REDIC1: variants seen among roughly 807,000 people sequenced by gnomAD.
REDIC1 encodes HEI10 Interacting Protein 1.
chr12:39,642,122 G>C, the REDIC1 span, among the ~76,000 whole-genome samples: 1 of 151,562 alleles, frequency 6.6e-6, no homozygotes, highest in Non-Finnish European at 1.5e-5. Flanking sequence ...TTTTCAAATT[G>C]TTTTCTAGTT....
the REDIC1 span, among the ~76,000 whole-genome samples, chr12:39,698,519 T>A: frequency 6.6e-6 from 1 of 152,292 alleles, no homozygotes; most frequent in East Asian, 1.9e-4. Context: ...TACAGAACAT[T>A]TCATCCAGTA....
chr12:39,737,761 A>C, the REDIC1 span, among the ~76,000 whole-genome samples: 21 of 152,278 alleles, frequency 1.4e-4, no homozygotes, highest in African/African-American at 5.1e-4. Flanking sequence ...GTTAACCATA[A>C]ATTTCTAGTG....
the REDIC1 span, chr12:39,764,807 A>G: frequency 2.5e-6 from 4 of 1,612,714 alleles, no homozygotes; most frequent in Non-Finnish European, 3.4e-6. Context: ...TAGGGCAGAA[A>G]TTGTAAGCCC....
At chr12:39,892,642 A>G in the REDIC1 span, among the ~76,000 whole-genome samples, 1 of 152,192 alleles carries the variant, frequency 6.6e-6, no homozygotes, top group Non-Finnish European at 1.5e-5. Context: ...CTGCCACACA[A>G]CTACAGAAAA....
chr12:39,761,228 C>A, the REDIC1 span, among the ~76,000 whole-genome samples: 1 of 147,360 alleles, frequency 6.8e-6, no homozygotes, highest in Non-Finnish European at 1.5e-5. Flanking sequence ...CTTCTCTGGG[C>A]CTCTGTTGCC....
At chr12:39,704,645 T>G in the REDIC1 span, among the ~76,000 whole-genome samples, 2 of 152,204 alleles carry the variant, frequency 1.3e-5, no homozygotes, top group Non-Finnish European at 2.9e-5. Context: ...CGGCATTATT[T>G]ACAATAGCAA....
chr12:39,703,947 A>G, the REDIC1 span, among the ~76,000 whole-genome samples: 1 of 152,170 alleles, frequency 6.6e-6, no homozygotes, highest in Admixed American at 6.6e-5. Context: ...AAAGACTTAA[A>G]CGTTAGACCT....
the REDIC1 span, among the ~76,000 whole-genome samples, chr12:39,645,872 G>T: frequency 6.6e-6 from 1 of 152,066 alleles, no homozygotes; most frequent in African/African-American, 2.4e-5. Flanking sequence ...TAGTAACTGG[G>T]ATTACAGGCA....
the REDIC1 span, among the ~76,000 whole-genome samples, chr12:39,785,624 A>C: frequency 2.6e-5 from 4 of 152,106 alleles, no homozygotes; most frequent in Non-Finnish European, 5.9e-5. Flanking sequence ...AGAATGGTAG[A>C]TCCACCGACA....
the REDIC1 span, among the ~76,000 whole-genome samples, chr12:39,828,404 T>C: frequency 6.6e-6 from 1 of 152,052 alleles, no homozygotes; most frequent in Non-Finnish European, 1.5e-5. Context: ...GATGATGGTA[T>C]AAAAATACAA....
chr12:39,707,233 A>C, the REDIC1 span, among the ~76,000 whole-genome samples: 2 of 151,962 alleles, frequency 1.3e-5, no homozygotes, highest in African/African-American at 4.8e-5. Context: ...AGAGACATAC[A>C]CATGGCAAAG....
At chr12:39,645,989 G>T in the REDIC1 span, among the ~76,000 whole-genome samples, 5 of 151,972 alleles carry the variant, frequency 3.3e-5, no homozygotes, top group African/African-American at 1.2e-4. Context: ...TAGAGTAGGT[G>T]AAAGTACTGA....
chr12:39,713,698 T>G, the REDIC1 span, among the ~76,000 whole-genome samples: 2 of 145,298 alleles, frequency 1.4e-5, no homozygotes, highest in African/African-American at 2.7e-5. Flanking sequence ...TACATGCGTA[T>G]ATACATATTT....
chr12:39,691,539 G>T, the REDIC1 span, among the ~76,000 whole-genome samples: 1 of 151,954 alleles, frequency 6.6e-6, no homozygotes, highest in Non-Finnish European at 1.5e-5. Flanking sequence ...TGGAAATAAA[G>T]AAACACTCAG....
the REDIC1 span, among the ~76,000 whole-genome samples, chr12:39,706,303 T>C: frequency 6.6e-6 from 1 of 151,928 alleles, no homozygotes; most frequent in Non-Finnish European, 1.5e-5. Flanking sequence ...TGAAAGACTT[T>C]GAAGAGGACA....
At chr12:39,852,862 G>C in the REDIC1 span, among the ~76,000 whole-genome samples, 73,475 of 151,906 alleles carry the variant, frequency 0.48, 18,331 homozygotes, top group East Asian at 0.74. Context: ...GTAGCCTTCC[G>C]AGACGAATTA....
At chr12:39,869,606 T>C in the REDIC1 span, among the ~76,000 whole-genome samples, 1 of 152,138 alleles carries the variant, frequency 6.6e-6, no homozygotes, top group African/African-American at 2.4e-5. Flanking sequence ...TGCCTATAGG[T>C]TGCTCATGAG....
the REDIC1 span, among the ~76,000 whole-genome samples, chr12:39,859,789 G>A: frequency 6.6e-6 from 1 of 152,162 alleles, no homozygotes; most frequent in Non-Finnish European, 1.5e-5. Flanking sequence ...GCCTCCCAAA[G>A]TGCTGGGATT....
At chr12:39,870,620 C>T in the REDIC1 span, among the ~76,000 whole-genome samples, 2 of 152,158 alleles carry the variant, frequency 1.3e-5, no homozygotes, top group East Asian at 3.8e-4. Context: ...CTTTACTTGT[C>T]CCTCACTTTT....
Sources: gnomAD v4.1 joint callset for allele counts (sites outside exome capture counted in the v4.1 genomes callset) on GRCh38, gnomAD v4.1.1 for gene constraint, MANE v1.5 for transcripts, NCBI Gene and HGNC (gene_info 2026-07-23, HGNC 2026-07-21) for gene names.